PARP12: variants seen among roughly 807,000 people sequenced by gnomAD.
The protein encoded by PARP12 is poly(ADP-ribose) polymerase family member 12, also known as protein mono-ADP-ribosyltransferase PARP12.
A neutral mutation model predicts 72.4 loss-of-function variants in PARP12; 59 were observed. That is an observed-to-expected ratio of 0.81 (90% CI 0.66 to 1.01). The LOEUF (loss-of-function observed/expected upper bound fraction) is 1.01, where lower values mean the gene tolerates loss of function less well. Ranked by LOEUF, PARP12 falls within the 50% of genes least tolerant of loss-of-function variation. The pLI, the probability that PARP12 is intolerant of heterozygous loss-of-function variation, is 0.00. For missense variants in PARP12, 851 were observed against 914.0 expected (o/e 0.93, Z 0.89); for synonymous variants, 403 against 371.4 (o/e 1.09, Z -0.98).
chr7:140,042,424 G>A (rs541581856), intron 5 of PARP12, among the ~76,000 whole-genome samples: 4 of 152,188 alleles, frequency 2.6e-5, no homozygotes, highest in East Asian at 1.9e-4. Context: ...CTTTCTAAAC[G>A]CAGTACTGCC....
At chr7:140,025,730 A>G (rs796422521) in intron 11 of PARP12, 1 of 329,238 alleles carries the variant, frequency 3.0e-6, no homozygotes, top group Non-Finnish European at 6.0e-6. Flanking sequence ...CCAAAGAAAT[A>G]GTATTTTAAA....
At chr7:140,028,507 C>G (rs1815820051) in intron 9 of PARP12, 106 bp downstream of exon 9, 2 of 1,032,368 alleles carry the variant, frequency 1.9e-6, no homozygotes, top group South Asian at 3.6e-5. Context: ...CCAATTAGCC[C>G]CAGCCTTACA....
At chr7:140,046,637 G>A (rs916123827) in intron 5 of PARP12, among the ~76,000 whole-genome samples, 2 of 152,128 alleles carry the variant, frequency 1.3e-5, no homozygotes, top group African/African-American at 4.8e-5. Context: ...AGAGGGAGGT[G>A]GGAGAACAAA....
At chr7:140,041,973 G>C (rs1816493807) in intron 5 of PARP12, 134 bp from the exon 6 acceptor site, 1 of 714,890 alleles carries the variant, frequency 1.4e-6, no homozygotes, top group East Asian at 2.7e-5. Context: ...GTTCCCAGAG[G>C]TAGAGGAAAC....
intron 7 of PARP12, among the ~76,000 whole-genome samples, chr7:140,035,927 AAGG>A (rs141105005): frequency 0.015 from 582 of 37,944 alleles, 21 homozygotes; most frequent in African/African-American, 0.049. Flanking sequence ...GGAGGAGGAC[AAGG>A]AGGAGGAGGA....
chr7:140,054,660 AC>A lies in PARP12; in HGVS notation c.862+1del. On this transcript the variant is annotated splice_donor_variant, in intron 4 of 11. Coordinates refer to ENST00000263549, the MANE Select transcript of PARP12 (RefSeq NM_022750.4). LOFTEE classifies it high-confidence loss of function. ...GGAATGAAGGAGCCTCTTCCAACTTACCTTGAAAGCTACAACTTTTCCGGAT... is the reference window on the plus strand; with the variant it reads ...GGAATGAAGGAGCCTCTTCCAACTTACTTGAAAGCTACAACTTTTCCGGAT... 6.2e-7 allele frequency: 1 copy of A among 1,607,570 alleles called. No homozygotes were observed. Among genetic ancestry groups the A allele is most frequent in the Non-Finnish European group, 8.5e-7 (1 of 1,174,002 alleles).
At chr7:140,054,903 C>T in intron 3 of PARP12, 140 bp from the exon 4 acceptor site, 1 of 669,080 alleles carries the variant, frequency 1.5e-6, no homozygotes, top group Non-Finnish European at 2.6e-6. Context: ...TGAAAGTGCT[C>T]CTACACAGGT....
chr7:140,061,546 C>A (rs1200551068), intron 1 of PARP12, among the ~76,000 whole-genome samples: 1 of 152,192 alleles, frequency 6.6e-6, no homozygotes, highest in East Asian at 1.9e-4. Context: ...GTGGTTCCCC[C>A]ACAACATCCT....
At chr7:140,040,204 G>A (rs977834046) in intron 6 of PARP12, among the ~76,000 whole-genome samples, 1 of 152,134 alleles carries the variant, frequency 6.6e-6, no homozygotes, top group Non-Finnish European at 1.5e-5. Flanking sequence ...GCATGATTGG[G>A]CAGTCATCCT....
chr7:140,043,945 ATG>A (rs1816604532), intron 5 of PARP12, among the ~76,000 whole-genome samples: 1 of 152,242 alleles, frequency 6.6e-6, no homozygotes, highest in Admixed American at 6.5e-5. Flanking sequence ...AGAGGAAGAA[ATG>A]TGGCAGAGTT....
chr7:140,058,337 C>G (rs1817277328), intron 1 of PARP12, among the ~76,000 whole-genome samples: 1 of 152,004 alleles, frequency 6.6e-6, no homozygotes, highest in African/African-American at 2.4e-5. Context: ...CAGTGAAACC[C>G]CGTCTCTACT....
chr7:140,027,272 G>A lies in PARP12; in HGVS notation c.1628+4C>T, dbSNP rs372980135. Reference sequence around the variant, plus strand: ...CAGCCCACCAAGAGCGAGCCCCAACGCACCACTGGTAGACTTCCCAGAGGG... The same window carrying A: ...CAGCCCACCAAGAGCGAGCCCCAACACACCACTGGTAGACTTCCCAGAGGG... On this transcript the variant is annotated splice_donor_region_variant and intron_variant, in intron 10 of 11. Transcript: ENST00000263549. 33 of 1,612,578 alleles carry A rather than the reference G, an allele frequency of 2.0e-5. No homozygotes were observed. In the African/African-American group the frequency reaches 3.7e-4, roughly 18 times the overall value.
chr7:140,028,598 G>A lies in PARP12; in HGVS notation c.1497+15C>T, dbSNP rs781505799. The A allele has an allele frequency of 5.0e-5, 79 of 1,569,782 alleles. No homozygotes were observed. The highest frequency in any genetic ancestry group is 2.6e-4 in the East Asian group (11 of 42,776). On this transcript the variant is annotated intron_variant, in intron 9 of 11. Transcript: ENST00000263549. ...AACACCTTCCTGTCCAGCCCCAGGC[G>A]CATGCGTCCCCTACCTGAAAGCCTG...
At chr7:140,054,838 G>A in intron 3 of PARP12, 75 bp from the exon 4 acceptor site, 1 of 1,309,004 alleles carries the variant, frequency 7.6e-7, no homozygotes, top group South Asian at 1.2e-5. Context: ...GATTCATTCA[G>A]TTCTCTGCAC....
At chr7:140,053,093 C>A (rs1817029584) in intron 4 of PARP12, among the ~76,000 whole-genome samples, 1 of 148,748 alleles carries the variant, frequency 6.7e-6, no homozygotes. Flanking sequence ...CTATGTCTGT[C>A]TTTTACCCAA....
In PARP12 at chr7:140,062,858, C is replaced by G; in HGVS notation, c.-11G>C. On this transcript the variant is annotated 5_prime_UTR_variant, in exon 1 of 12. Coordinates refer to ENST00000263549, the MANE Select transcript of PARP12 (RefSeq NM_022750.4). ...GCCGGCCTGGGCCATGGCCGCTGGG[C>G]CTGCTCCCGTCGGACCGCGGGTGGC... is the stretch of plus-strand genomic sequence containing the variant. The G allele has an allele frequency of 7.7e-7, 1 of 1,295,778 alleles. No homozygotes were observed. The highest frequency in any genetic ancestry group is 9.8e-7 in the Non-Finnish European group (1 of 1,025,012). 80.3% of individuals were successfully genotyped at this position (1,295,778 alleles called of 1,614,324 possible).
At chr7:140,034,823 G>A (rs1031916731) in intron 7 of PARP12, 1 of 156,104 alleles carries the variant, frequency 6.4e-6, no homozygotes, top group African/African-American at 2.4e-5. Flanking sequence ...CCACCCTCAA[G>A]AATCCCATAC....
At chr7:140,054,889 G>C in intron 3 of PARP12, 126 bp from the exon 4 acceptor site, 1 of 753,796 alleles carries the variant, frequency 1.3e-6, no homozygotes, top group Admixed American at 2.3e-5. Flanking sequence ...TATCGTGTTT[G>C]GGGTGAAAGT....
intron 11 of PARP12, 51 bp downstream of exon 11, chr7:140,026,146 G>C (rs753688867): frequency 3.1e-6 from 5 of 1,613,658 alleles, no homozygotes; most frequent in Non-Finnish European, 4.2e-6. Context: ...CTGTTCCTAT[G>C]CAGGGGCAAA....
Sources: allele counts gnomAD v4.1 joint callset (sites outside exome capture counted in the v4.1 genomes callset), GRCh38; gene constraint gnomAD v4.1.1; transcripts MANE v1.5; gene names NCBI Gene and HGNC (gene_info 2026-07-23, HGNC 2026-07-21).